The following PACS1 variants were observed in gnomAD, a reference collection of about 807,000 sequenced individuals.
PACS1 encodes the protein phosphofurin acidic cluster sorting protein 1.
A neutral mutation model predicts 115.0 loss-of-function variants in PACS1; 24 were observed. The ratio of observed to expected loss-of-function variants is 0.21; its 90% CI spans 0.15 to 0.29. The LOEUF (loss-of-function observed/expected upper bound fraction) is 0.29. Among genes scored for constraint, PACS1 ranks in the 10% least tolerant of loss-of-function variants. The probability of loss-of-function intolerance (pLI) is 1.00; values close to 1 mark genes in which losing one functional copy is unlikely to be tolerated. For synonymous variants in PACS1, 453 were observed against 504.5 expected (o/e 0.90, Z 1.37); for missense variants, 838 against 1,251.2 (o/e 0.67, Z 4.98).
intron 1 of PACS1, among the ~76,000 whole-genome samples, chr11:66,158,940 A>G (rs1468656663): frequency 2.0e-5 from 3 of 152,226 alleles, no homozygotes; most frequent in African/African-American, 4.8e-5. Flanking sequence ...AAATTTTGTG[A>G]CACTGATGAC....
intron 1 of PACS1, among the ~76,000 whole-genome samples, chr11:66,129,297 TG>T (rs1340667523): frequency 1.3e-5 from 2 of 151,582 alleles, no homozygotes; most frequent in African/African-American, 4.9e-5. Context: ...CCAGGTGTGG[TG>T]GCGCGCACTT....
intron 1 of PACS1, among the ~76,000 whole-genome samples, chr11:66,098,969 G>T (rs1211613833): frequency 6.6e-6 from 1 of 152,148 alleles, no homozygotes; most frequent in Non-Finnish European, 1.5e-5. Flanking sequence ...ACCTGCTCAT[G>T]TTGGTGTCTT....
At chr11:66,130,862 G>A (rs1362788174) in intron 1 of PACS1, among the ~76,000 whole-genome samples, 2 of 152,108 alleles carry the variant, frequency 1.3e-5, no homozygotes, top group Non-Finnish European at 2.9e-5. Flanking sequence ...TTGAGCCCAG[G>A]AGTTCGAGAC....
At position 66,087,326 on chromosome 11, in the gene PACS1, C is replaced by T. The variant is rs140048998; in HGVS notation, c.356+16484C>T. Among the ~76,000 whole-genome samples the T allele has an allele frequency of 1.9e-4, 29 of 152,166 alleles. No homozygotes were observed. In the East Asian group the frequency reaches 4.3e-3, roughly 22 times the overall value. ...CACGATCTCTGCTCACTGCAACCTC[C>T]GCCTCCCAGGTTCAAGTGATTCTCC... On this transcript the variant is annotated intron_variant, in intron 1 of 23. Coordinates refer to ENST00000320580, the MANE Select transcript of PACS1 (RefSeq NM_018026.4).
chr11:66,207,068 A>G (rs1420232854), intron 2 of PACS1, among the ~76,000 whole-genome samples: 1 of 152,160 alleles, frequency 6.6e-6, no homozygotes, highest in Non-Finnish European at 1.5e-5. Flanking sequence ...TCCCTTCACC[A>G]GTGTTATTTT....
chr11:66,073,624 CTTA>C (rs986171737), intron 1 of PACS1, among the ~76,000 whole-genome samples: 3 of 152,168 alleles, frequency 2.0e-5, no homozygotes, highest in African/African-American at 7.2e-5. Context: ...GGTGTCTGCT[CTTA>C]TTTAACATCT....
At chr11:66,076,464 G>A (rs569759405) in intron 1 of PACS1, among the ~76,000 whole-genome samples, 15 of 151,976 alleles carry the variant, frequency 9.9e-5, no homozygotes, top group East Asian at 3.9e-4. Flanking sequence ...GCAATGGTGC[G>A]ATCTCGGCTC....
At chr11:66,202,965 T>C (rs7396531) in intron 2 of PACS1, among the ~76,000 whole-genome samples, 142,042 of 151,584 alleles carry the variant, frequency 0.94, 67,215 homozygotes, top group East Asian at 1. Context: ...ACAAGGATCA[T>C]CACTTTCACC....
At chr11:66,102,373 G>A (rs780844192) in intron 1 of PACS1, among the ~76,000 whole-genome samples, 7 of 151,798 alleles carry the variant, frequency 4.6e-5, no homozygotes, top group Non-Finnish European at 1.0e-4. Context: ...CACCCAGGCT[G>A]GAGGGCAGTG....
At position 66,128,883 on chromosome 11, in the gene PACS1, C is replaced by CAA. The variant is rs71455705; in HGVS notation, c.356+58055_356+58056dup. 5.6e-4 allele frequency among the ~76,000 whole-genome samples: 72 copies of CAA among 128,028 alleles called. 1 individual carries two copies. The highest frequency in any genetic ancestry group is 1.6e-3 in the African/African-American group (56 of 35,226). The allele number at this position is 128,028 out of a possible 152,430, so 84.0% of individuals were successfully genotyped here. ...TGGGCAACAGAGCCGGACTCCATCT[C>CAA]AAAAAAAAAAAAAAATGTGAGTGAG... On this transcript the variant is annotated intron_variant, in intron 1 of 23. Transcript: ENST00000320580.
chr11:66,230,374 A>G, intron 11 of PACS1, 174 bp from the exon 12 acceptor site: 1 of 608,998 alleles, frequency 1.6e-6, no homozygotes, highest in Non-Finnish European at 3.0e-6. Flanking sequence ...TCACCCGTGA[A>G]CAGTGGCGAT....
At chr11:66,230,489 G>C in intron 11 of PACS1, 59 bp from the exon 12 acceptor site, 1 of 1,163,086 alleles carries the variant, frequency 8.6e-7, no homozygotes, top group Non-Finnish European at 1.3e-6. Flanking sequence ...GTCCAAGGAG[G>C]CTCCTGGGTG....
intron 1 of PACS1, among the ~76,000 whole-genome samples, chr11:66,118,042 T>C (rs1290400768): frequency 6.6e-6 from 1 of 152,224 alleles, no homozygotes; most frequent in Non-Finnish European, 1.5e-5. Flanking sequence ...CAGGGTACCC[T>C]GAAGCCTTTT....
At chr11:66,187,891 C>T (rs983906956) in intron 1 of PACS1, among the ~76,000 whole-genome samples, 6 of 152,156 alleles carry the variant, frequency 3.9e-5, no homozygotes, top group Non-Finnish European at 8.8e-5. Context: ...CCATGCTGTT[C>T]TCCATAGTGG....
chr11:66,190,325 A>G (rs1376326144), intron 1 of PACS1, among the ~76,000 whole-genome samples: 5 of 152,196 alleles, frequency 3.3e-5, no homozygotes, highest in Non-Finnish European at 7.4e-5. Context: ...GGCTCATCCC[A>G]GTCATGTCCC....
rs1384773876 is a variant in PACS1 at position 66,232,300 on chromosome 11, A to T, written c.1731+24A>T. The T allele has an allele frequency of 2.1e-6, 3 of 1,406,726 alleles. No homozygotes were observed. In the African/African-American group the frequency reaches 4.2e-5, roughly 20 times the overall value. 87.1% of individuals were successfully genotyped at this position (1,406,726 alleles called of 1,614,324 possible). The stretch of plus-strand genomic sequence containing the variant: ...AGGTAAGTGCTGAAACTGCGAGGCC[A>T]TGTGGGGTCCTGGAGGGCAGGCAAT... On this transcript the variant is annotated intron_variant, in intron 14 of 23. Coordinates refer to ENST00000320580, the MANE Select transcript of PACS1 (RefSeq NM_018026.4).
chr11:66,134,254 CTTT>C (rs1162472902), intron 1 of PACS1, among the ~76,000 whole-genome samples: 14 of 75,068 alleles, frequency 1.9e-4, no homozygotes, highest in East Asian at 8.8e-4. Context: ...TTTTCTTTTT[CTTT>C]TTTTTTTTTT....
chr11:66,241,449 G>T lies in PACS1; in HGVS notation c.2452G>T (p.Asp818Tyr). 6.2e-7 allele frequency: 1 copy of T among 1,603,768 alleles called. No individual in the cohort carries two copies. Among genetic ancestry groups the T allele is most frequent in the Non-Finnish European group, 8.5e-7 (1 of 1,175,018 alleles). The change falls in exon 22 of 24, where the codon GAC becomes TAC. Residue 818 changes from aspartate to tyrosine, a missense_variant. By Grantham distance (160) the Asp-to-Tyr change is radical (BLOSUM62 -3). This residue lies in a region of PACS1 where 383 missense variants were observed against 537.0 expected (regional missense o/e 0.71). Transcript: ENST00000320580. ...IVGSPNSPYG[D>Y]VIGLQVDYWL... is the part of the protein sequence containing the mutation. The stretch of plus-strand genomic sequence containing the variant: ...CAGGAGCCCTAATAGCCCATATGGG[G>T]ACGTGATTGGCCTCCAGGTGGACTA...
At chr11:66,125,418 G>T (rs935048593) in intron 1 of PACS1, among the ~76,000 whole-genome samples, 3 of 152,206 alleles carry the variant, frequency 2.0e-5, no homozygotes, top group African/African-American at 7.2e-5. Context: ...CCACTGACTT[G>T]CTGTTTAATG....
Sources: gnomAD v4.1 joint callset for allele counts (sites outside exome capture counted in the v4.1 genomes callset) on GRCh38, gnomAD v4.1.1 for gene constraint, gnomAD v4.1.1 regional missense constraint, MANE v1.5 for transcripts, NCBI Gene and HGNC (gene_info 2026-07-23, HGNC 2026-07-21) for gene names.